C11orf65: variants seen among roughly 807,000 people sequenced by gnomAD.
The protein encoded by C11orf65 is chromosome 11 open reading frame 65, also known as protein MFI.
C11orf65 carries 38 observed loss-of-function variants against 35.3 expected under a neutral mutation model. That is an observed-to-expected ratio of 1.08 (90% confidence interval 0.83 to 1.41). The LOEUF (loss-of-function observed/expected upper bound fraction) is 1.41. Among genes scored for constraint, C11orf65 ranks in the 40% most tolerant of loss-of-function variants. C11orf65 has a pLI of 0.00. For synonymous variants in C11orf65, 105 were observed against 114.4 expected (o/e 0.92, Z 0.53); for missense variants, 370 against 367.1 (o/e 1.01, Z -0.06).
intron 2 of C11orf65, among the ~76,000 whole-genome samples, chr11:108,362,646 G>GT (rs1471968696): frequency 2.7e-5 from 4 of 149,712 alleles, no homozygotes; most frequent in African/African-American, 4.9e-5. Flanking sequence ...CATGTCCTTT[G>GT]TAGGGACATG....
chr11:108,317,642 TATATATATATAC>T (rs1334137504), intron 6 of C11orf65: 102 of 170,984 alleles, frequency 6.0e-4, no homozygotes, highest in African/African-American at 3.2e-3. Flanking sequence ...TATATATATA[TATATATATATAC>T]ACACACACAC....
At chr11:108,415,232 T>C (rs897433815) in intron 3 of C11orf65, among the ~76,000 whole-genome samples, 1 of 152,174 alleles carries the variant, frequency 6.6e-6, no homozygotes, top group Non-Finnish European at 1.5e-5. Flanking sequence ...TGTTCTCAGA[T>C]GACATGATTG....
At chr11:108,443,971 G>C (rs556675578) in intron 2 of C11orf65, among the ~76,000 whole-genome samples, 3 of 152,142 alleles carry the variant, frequency 2.0e-5, no homozygotes, top group African/African-American at 7.2e-5. Context: ...ACTAAGTTCA[G>C]AGCGGAACTG....
chr11:108,463,958 G>C (rs1265325324), intron 1 of C11orf65, among the ~76,000 whole-genome samples: 4 of 104,614 alleles, frequency 3.8e-5, no homozygotes, highest in African/African-American at 1.4e-4. Flanking sequence ...ACAGAATTTT[G>C]CTCTGTCACC....
chr11:108,378,853 T>C (rs892859892), downstream of C11orf65, among the ~76,000 whole-genome samples: 1 of 150,394 alleles, frequency 6.6e-6, no homozygotes, highest in Non-Finnish European at 1.5e-5. Flanking sequence ...AAGACATTTA[T>C]GCAGCCAAAA....
chr11:108,430,689 CA>C (rs1309260936), intron 3 of C11orf65, among the ~76,000 whole-genome samples: 2 of 151,460 alleles, frequency 1.3e-5, no homozygotes, highest in Non-Finnish European at 2.9e-5. Context: ...ACTGAAAATA[CA>C]AAAAATTAGC....
At position 108,349,716 on chromosome 11, in the gene C11orf65, G is replaced by A. The variant is rs117851739; in HGVS notation, c.227-14424C>T. On this transcript the variant is annotated intron_variant, in intron 2 of 3. Coordinates refer to the C11orf65 transcript ENST00000524755. Reference sequence around the variant, plus strand: ...GAAGTTTAGAAGGGAAGGGAAGGATGGCAGAGAAATTTGCTGCAGGAATGA... The same window carrying A: ...GAAGTTTAGAAGGGAAGGGAAGGATAGCAGAGAAATTTGCTGCAGGAATGA... Among the ~76,000 whole-genome samples, 45 of 152,256 alleles carry A rather than the reference G, an allele frequency of 3.0e-4. No homozygotes were observed. The East Asian group carries it at 7.7e-3, about 26-fold the overall frequency.
chr11:108,341,835 A>G (rs1217609711), intron 2 of C11orf65, among the ~76,000 whole-genome samples: 3 of 152,264 alleles, frequency 2.0e-5, no homozygotes, highest in Admixed American at 6.5e-5. Context: ...GACAATATTA[A>G]GTATTGCGAA....
At chr11:108,401,236 T>C (rs1014879999) in intron 6 of C11orf65, among the ~76,000 whole-genome samples, 5 of 151,896 alleles carry the variant, frequency 3.3e-5, no homozygotes, top group Non-Finnish European at 7.4e-5. Context: ...GGTGGTTTAG[T>C]AGATTGCACA....
rs137907263 is a variant in C11orf65, at chr11:108,374,889, A to C, written c.226+18319T>G. 8.1e-3 allele frequency among the ~76,000 whole-genome samples: 1,231 copies of C among 152,320 alleles called. 11 individuals carry two copies. The highest frequency in any genetic ancestry group is 0.025 in the African/African-American group (1,056 of 41,572). ...ATCAACTGGAAGAAAGGGTATCAGC[A>C]ATGGAAAATGAAATGAATAAAATGA... On this transcript the variant is annotated intron_variant, in intron 2 of 3. Transcript: ENST00000524755.
intron 3 of C11orf65, among the ~76,000 whole-genome samples, chr11:108,413,637 T>C (rs1303732988): frequency 6.6e-6 from 1 of 152,188 alleles, no homozygotes; most frequent in South Asian, 2.1e-4. Context: ...CTTTTCCCCA[T>C]TCCATACAAT....
chr11:108,434,504 C>CA (rs758864952), intron 2 of C11orf65, among the ~76,000 whole-genome samples: 1,404 of 108,456 alleles, frequency 0.013, 16 homozygotes, highest in African/African-American at 0.033. Flanking sequence ...GACTCTGTCT[C>CA]AAAAAAAAAA....
chr11:108,450,456 G>A (rs1023551601), intron 2 of C11orf65, among the ~76,000 whole-genome samples: 1 of 151,604 alleles, frequency 6.6e-6, no homozygotes, highest in Non-Finnish European at 1.5e-5. Context: ...AAAAAATGAT[G>A]AGTTCATGAC....
intron 6 of C11orf65, among the ~76,000 whole-genome samples, chr11:108,311,550 C>A (rs1486788844): frequency 1.3e-5 from 2 of 151,910 alleles, no homozygotes; most frequent in Admixed American, 1.3e-4. Flanking sequence ...AAAAATAAAT[C>A]AGCTGGGCAT....
chr11:108,447,701 A>C lies in C11orf65; in HGVS notation c.81+13778T>G, dbSNP rs1201432734. ...AAAGCAGGAAAGATCCAAAATTGAC[A>C]CCCTAACATCACAATTAAAACAACT... On this transcript the variant is annotated intron_variant, in intron 2 of 8. Coordinates refer to ENST00000393084, the MANE Select transcript of C11orf65 (RefSeq NM_152587.5). 1.2e-4 allele frequency among the ~76,000 whole-genome samples: 18 copies of C among 152,264 alleles called. No homozygotes were observed. The South Asian group carries it at 3.3e-3, about 28-fold the overall frequency.
At chr11:108,459,071 G>A (rs1472824529) in intron 2 of C11orf65, among the ~76,000 whole-genome samples, 1 of 152,162 alleles carries the variant, frequency 6.6e-6, no homozygotes, top group African/African-American at 2.4e-5. Context: ...AGTGGAGTAA[G>A]TAATTACCAG....
intron 2 of C11orf65, among the ~76,000 whole-genome samples, chr11:108,445,925 T>A (rs2093248527): frequency 6.6e-6 from 1 of 151,934 alleles, no homozygotes. Flanking sequence ...GAGAAGTGCT[T>A]AAAGGAGCTG....
At chr11:108,328,277 C>G (rs1176551459), downstream of C11orf65, among the ~76,000 whole-genome samples, 1 of 152,118 alleles carries the variant, frequency 6.6e-6, no homozygotes, top group Non-Finnish European at 1.5e-5. Context: ...GATGAAGTCT[C>G]TCTCTGTCGC....
At chr11:108,334,864 ATT>A in intron 3 of C11orf65, 1 of 1,360,042 alleles carries the variant, frequency 7.4e-7, no homozygotes, top group Admixed American at 1.8e-5. Flanking sequence ...TCACATCGTC[ATT>A]TGTTTCTCTG....
Sources: allele counts gnomAD v4.1 joint callset (sites outside exome capture counted in the v4.1 genomes callset), GRCh38; gene constraint gnomAD v4.1.1; transcripts MANE v1.5; gene names NCBI Gene and HGNC (gene_info 2026-07-23, HGNC 2026-07-21).